The following CGNL1 variants were observed in gnomAD, a reference collection of about 807,000 sequenced individuals.
The protein encoded by CGNL1 is cingulin-like protein 1.
CGNL1 carries 132 observed loss-of-function variants against 141.2 expected under a neutral mutation model. The observed-to-expected ratio is 0.93, with a 90% CI of 0.81 to 1.08. The LOEUF (loss-of-function observed/expected upper bound fraction) is 1.08, where lower values mean the gene tolerates loss of function less well. Among genes scored for constraint, CGNL1 ranks in the 50% least tolerant of loss-of-function variants. The pLI is 0.00. For synonymous variants in CGNL1, 690 were observed against 622.1 expected, an observed-to-expected ratio of 1.11 and a Z score of -1.63; for missense variants, 1,870 against 1,588.6, an observed-to-expected ratio of 1.18 and a Z score of -3.01.
intron 1 of CGNL1, among the ~76,000 whole-genome samples, chr15:57,425,903 CTT>C (rs2062967741): frequency 6.6e-6 from 1 of 151,810 alleles, no homozygotes; most frequent in South Asian, 2.1e-4. Flanking sequence ...AATTGTGAAA[CTT>C]TTCTTGCTGG....
chr15:57,430,465 C>T (rs1403030830), intron 1 of CGNL1, among the ~76,000 whole-genome samples: 6 of 151,652 alleles, frequency 4.0e-5, no homozygotes, highest in South Asian at 2.1e-4. Flanking sequence ...ATATAAAATA[C>T]GAACCACTGA....
chr15:57,495,885 CAT>C (rs1177646191), intron 8 of CGNL1, among the ~76,000 whole-genome samples: 1 of 151,198 alleles, frequency 6.6e-6, no homozygotes, highest in Non-Finnish European at 1.5e-5. Flanking sequence ...CATGTGAAAA[CAT>C]AACTTTGGAA....
rs79829025 is a variant in CGNL1, at chr15:57,424,318, A to G, written c.-15-13667A>G. 3.8e-3 allele frequency among the ~76,000 whole-genome samples: 584 copies of G among 152,272 alleles called. 6 individuals carry two copies. Among genetic ancestry groups the G allele is most frequent in the African/African-American group, 0.013 (529 of 41,548 alleles). On this transcript the variant is annotated intron_variant, in intron 1 of 18. Transcript: ENST00000281282. ...CGAGGGCTTCCTTAACTGTCTATCT[A>G]GAATGGACCTTCACTACCACCACCA...
In CGNL1 at chr15:57,528,782, A is replaced by G; in HGVS notation, c.3168A>G (p.Lys1056=). The G allele has an allele frequency of 6.2e-7, 1 of 1,614,072 alleles. No individual in the cohort carries two copies. Among genetic ancestry groups the G allele is most frequent in the East Asian group, 2.2e-5 (1 of 44,872 alleles). Residue 1056 remains lysine (K), a synonymous_variant, in exon 13 of 19, where the codon AAA becomes AAG. Coordinates refer to ENST00000281282, the MANE Select transcript of CGNL1 (RefSeq NM_032866.5). The stretch of plus-strand genomic sequence containing the variant: ...AGCTGGAAGCCAAGAGTCACCTCAA[A>G]GATGACCGCAGCAGGCTGGTCAAGC... ...EYELEAKSHL[K]DDRSRLVKQM...
chr15:57,390,698 G>A (rs1462826713), intron 1 of CGNL1, among the ~76,000 whole-genome samples: 1 of 152,138 alleles, frequency 6.6e-6, no homozygotes, highest in Non-Finnish European at 1.5e-5. Flanking sequence ...CCAGGCCTTG[G>A]CATTTCCTGT....
intron 8 of CGNL1, among the ~76,000 whole-genome samples, chr15:57,474,881 A>T (rs905082768): frequency 2.6e-5 from 4 of 152,210 alleles, no homozygotes; most frequent in African/African-American, 7.2e-5. Context: ...ACAGTGAAAT[A>T]AGAGTATTGA....
intron 14 of CGNL1, among the ~76,000 whole-genome samples, chr15:57,542,284 C>T (rs1162886942): frequency 6.6e-6 from 1 of 152,208 alleles, no homozygotes; most frequent in Admixed American, 6.5e-5. Flanking sequence ...GTGTGTGTAC[C>T]TCTTAGCCAC....
chr15:57,523,245 T>G (rs1437092281), intron 10 of CGNL1, among the ~76,000 whole-genome samples: 1 of 152,236 alleles, frequency 6.6e-6, no homozygotes, highest in Non-Finnish European at 1.5e-5. Flanking sequence ...CTGTAGCACG[T>G]TGTTTGTCTG....
chr15:57,522,515 A>G (rs1009406969), intron 10 of CGNL1, among the ~76,000 whole-genome samples: 4 of 152,344 alleles, frequency 2.6e-5, no homozygotes, highest in Admixed American at 2.6e-4. Context: ...GTAGTGGCCC[A>G]GTCAGCCCTC....
chr15:57,465,233 C>T (rs769791832), intron 8 of CGNL1, among the ~76,000 whole-genome samples: 17 of 152,104 alleles, frequency 1.1e-4, no homozygotes, highest in East Asian at 1.9e-4. Flanking sequence ...TAGAATAGAA[C>T]ATTAAGATTA....
At chr15:57,384,505 C>T (rs1387370268) in intron 1 of CGNL1, among the ~76,000 whole-genome samples, 3 of 152,158 alleles carry the variant, frequency 2.0e-5, no homozygotes, top group African/African-American at 7.2e-5. Flanking sequence ...ACAACTACCA[C>T]CTCATTAGGC....
chr15:57,436,691 A>G (rs1201311203), intron 1 of CGNL1, among the ~76,000 whole-genome samples: 1 of 152,232 alleles, frequency 6.6e-6, no homozygotes, highest in Non-Finnish European at 1.5e-5. Flanking sequence ...AGGAAAGTGG[A>G]AGGAAATAAT....
intron 8 of CGNL1, among the ~76,000 whole-genome samples, chr15:57,510,573 C>T (rs1198568715): frequency 6.6e-6 from 1 of 152,104 alleles, no homozygotes; most frequent in East Asian, 1.9e-4. Flanking sequence ...TCCTGGAATA[C>T]CAAGAACACA....
chr15:57,399,961 C>T (rs1205180589), intron 1 of CGNL1, among the ~76,000 whole-genome samples: 1 of 151,568 alleles, frequency 6.6e-6, no homozygotes, highest in African/African-American at 2.4e-5. Context: ...CTTGTTCCTA[C>T]CCTAAATAGC....
At chr15:57,425,517 C>T (rs1263715430) in intron 1 of CGNL1, among the ~76,000 whole-genome samples, 1 of 152,080 alleles carries the variant, frequency 6.6e-6, no homozygotes, top group South Asian at 2.1e-4. Context: ...CCAAGGTGGG[C>T]GGATCACTTG....
At chr15:57,414,721 A>G (rs1367595472) in intron 1 of CGNL1, among the ~76,000 whole-genome samples, 4 of 152,196 alleles carry the variant, frequency 2.6e-5, no homozygotes, top group Non-Finnish European at 5.9e-5. Context: ...ATTTGCTTTC[A>G]CGTCTCATCC....
intron 8 of CGNL1, among the ~76,000 whole-genome samples, chr15:57,475,354 T>C (rs950145921): frequency 1.3e-5 from 2 of 152,044 alleles, no homozygotes; most frequent in African/African-American, 2.4e-5. Context: ...GCCCTGTTAC[T>C]CCGTATTAGC....
chr15:57,533,725 T>C (rs1272448832), intron 14 of CGNL1, among the ~76,000 whole-genome samples: 2 of 152,234 alleles, frequency 1.3e-5, no homozygotes, highest in African/African-American at 4.8e-5. Flanking sequence ...GGTCCCAGAA[T>C]TGCTCTGGAC....
At chr15:57,445,526 C>T (rs1429383332) in intron 4 of CGNL1, among the ~76,000 whole-genome samples, 1 of 152,190 alleles carries the variant, frequency 6.6e-6, no homozygotes, top group East Asian at 1.9e-4. Context: ...AACAGCAAAG[C>T]AGGTAGAGAT....
Sources: gnomAD v4.1 joint callset for allele counts (sites outside exome capture counted in the v4.1 genomes callset) on GRCh38, gnomAD v4.1.1 for gene constraint, MANE v1.5 for transcripts, NCBI Gene and HGNC (gene_info 2026-07-23, HGNC 2026-07-21) for gene names.